The following ADISSP variants were observed in gnomAD, a reference collection of about 807,000 sequenced individuals.
ADISSP encodes adipose secreted signaling protein, also known as adipose-secreted signaling protein.
the ADISSP span, among the ~76,000 whole-genome samples, chr20:3,756,683 TACC>T: frequency 1.3e-5 from 2 of 152,234 alleles, no homozygotes; most frequent in Non-Finnish European, 2.9e-5. Context: ...TTTCTGGCTG[TACC>T]TGCTAACTGT....
At chr20:3,763,850 C>T in the ADISSP span, among the ~76,000 whole-genome samples, 4 of 152,160 alleles carry the variant, frequency 2.6e-5, no homozygotes, top group East Asian at 1.9e-4. Flanking sequence ...GGCCTCACCT[C>T]GCTCCCCACT....
At chr20:3,766,681 G>A in the ADISSP span, among the ~76,000 whole-genome samples, 4 of 152,168 alleles carry the variant, frequency 2.6e-5, no homozygotes, top group African/African-American at 9.7e-5. Flanking sequence ...GTGAGGGTGG[G>A]AGCACACAGG....
At chr20:3,755,413 C>T in the ADISSP span, 13 of 1,545,686 alleles carry the variant, frequency 8.4e-6, no homozygotes, top group South Asian at 1.2e-4. Context: ...AGTAAGGGAG[C>T]ACCCCATGTT....
At chr20:3,754,100 C>T in the ADISSP span, 3 of 1,613,554 alleles carry the variant, frequency 1.9e-6, no homozygotes, top group Non-Finnish European at 1.7e-6. Flanking sequence ...AGTCGTATTC[C>T]AGCTCGGCGC....
the ADISSP span, chr20:3,754,014 G>T: frequency 7.0e-7 from 1 of 1,424,106 alleles, no homozygotes; most frequent in African/African-American, 1.4e-5. Context: ...GGGACAAGGC[G>T]GGGTTTAAGG....
the ADISSP span, among the ~76,000 whole-genome samples, chr20:3,761,084 T>C: frequency 1.3e-5 from 2 of 152,246 alleles, no homozygotes; most frequent in African/African-American, 4.8e-5. Context: ...AGAGGAAGAA[T>C]TCAGCCTGTC....
the ADISSP span, chr20:3,754,138 T>C: frequency 2.5e-6 from 4 of 1,612,678 alleles, no homozygotes; most frequent in Non-Finnish European, 8.5e-7. Context: ...TCCAGCAGCA[T>C]GGGCGTGCCG....
the ADISSP span, among the ~76,000 whole-genome samples, chr20:3,765,042 A>C: frequency 1.3e-5 from 2 of 152,254 alleles, no homozygotes; most frequent in African/African-American, 4.8e-5. Context: ...GTACTCAGTA[A>C]AGGGCAAACA....
the ADISSP span, chr20:3,753,937 G>C: frequency 1.4e-6 from 1 of 736,120 alleles, no homozygotes; most frequent in East Asian, 2.7e-5. Flanking sequence ...CGTGGGCAAG[G>C]CCACTCCACC....
chr20:3,763,375 T>C, the ADISSP span, among the ~76,000 whole-genome samples: 5 of 150,004 alleles, frequency 3.3e-5, no homozygotes, highest in African/African-American at 1.2e-4. Flanking sequence ...CTGGCCAACA[T>C]GGAGAAACCC....
At chr20:3,764,605 G>A in the ADISSP span, among the ~76,000 whole-genome samples, 1 of 152,324 alleles carries the variant, frequency 6.6e-6, no homozygotes, top group Admixed American at 6.5e-5. Context: ...TCTCATGTCT[G>A]GGATCATTTG....
chr20:3,762,486 C>T, the ADISSP span, among the ~76,000 whole-genome samples: 49 of 152,150 alleles, frequency 3.2e-4, no homozygotes, highest in Non-Finnish European at 8.8e-5. Flanking sequence ...TCCTCCCACC[C>T]CAGCCTGCCA....
At chr20:3,757,633 T>TTTTG in the ADISSP span, among the ~76,000 whole-genome samples, 41 of 151,830 alleles carry the variant, frequency 2.7e-4, no homozygotes, top group Non-Finnish European at 5.6e-4. Flanking sequence ...CCAGGTTCTT[T>TTTTG]TTTGTTTGTT....
At chr20:3,755,626 G>A in the ADISSP span, 1 of 1,582,660 alleles carries the variant, frequency 6.3e-7, no homozygotes, top group East Asian at 2.3e-5. Context: ...GGAGAGGTGA[G>A]GGAGGGAGGC....
the ADISSP span, among the ~76,000 whole-genome samples, chr20:3,760,414 G>T: frequency 5.3e-5 from 8 of 152,196 alleles, no homozygotes; most frequent in African/African-American, 1.2e-4. Flanking sequence ...TCAGGGTCCT[G>T]CCAGCATGTG....
chr20:3,761,201 A>G, the ADISSP span, among the ~76,000 whole-genome samples: 1 of 152,248 alleles, frequency 6.6e-6, no homozygotes, highest in Non-Finnish European at 1.5e-5. Flanking sequence ...ATGCTAAGTC[A>G]TTCTGCAACC....
chr20:3,758,517 G>GA, the ADISSP span: 4 of 1,608,886 alleles, frequency 2.5e-6, no homozygotes, highest in Non-Finnish European at 3.4e-6. This position sits in a 1 kb window ranked among gnomAD's most constrained non-coding sequence, Gnocchi z 5.5. Context: ...AGCTGCTGAT[G>GA]GGGTAGGTGT....
chr20:3,766,486 C>T, the ADISSP span, among the ~76,000 whole-genome samples: 1 of 152,194 alleles, frequency 6.6e-6, no homozygotes, highest in African/African-American at 2.4e-5. Context: ...GGGACCCTCA[C>T]CACCCACACC....
the ADISSP span, among the ~76,000 whole-genome samples, chr20:3,766,267 G>T: frequency 3.9e-5 from 6 of 152,218 alleles, no homozygotes; most frequent in African/African-American, 1.4e-4. Context: ...TCTCAGGACT[G>T]GACACAGCAG....
Sources: gnomAD v4.1 joint callset for allele counts (sites outside exome capture counted in the v4.1 genomes callset) on GRCh38, gnomAD v4.1.1 for gene constraint, Gnocchi (gnomAD v3.1) non-coding constraint, MANE v1.5 for transcripts, NCBI Gene and HGNC (gene_info 2026-07-23, HGNC 2026-07-21) for gene names.